Variants in NRG1 observed in about 807,000 individuals in gnomAD.
The protein encoded by NRG1 is pro-neuregulin-1, membrane-bound isoform.
Under a neutral mutation model 63.8 loss-of-function variants are expected in NRG1, and 18 were observed. That is an observed-to-expected ratio of 0.28 (90% CI 0.19 to 0.42). The LOEUF is 0.42. Among genes scored for constraint, NRG1 ranks in the 10% least tolerant of loss-of-function variants. NRG1 has a pLI of 1.00. For missense variants in NRG1, 762 were observed against 814.7 expected (o/e 0.94, Z 0.79); for synonymous variants, 302 against 301.3 (o/e 1.00, Z -0.02).
chr8:32,464,141 G>C (rs1280595834), intron 1 of NRG1, among the ~76,000 whole-genome samples: 1 of 151,454 alleles, frequency 6.6e-6, no homozygotes, highest in East Asian at 2.0e-4. Flanking sequence ...TGATCCTCCC[G>C]CCTCAGTCCC....
At chr8:32,729,477 A>G (rs1189720206) in intron 6 of NRG1, among the ~76,000 whole-genome samples, 7 of 152,228 alleles carry the variant, frequency 4.6e-5, no homozygotes. Context: ...TAAAGCAGCA[A>G]TGCTTGTTCT....
intron 1 of NRG1, among the ~76,000 whole-genome samples, chr8:32,120,617 A>G (rs1833319914): frequency 6.6e-6 from 1 of 152,064 alleles, no homozygotes; most frequent in East Asian, 1.9e-4. Context: ...GAATCTCTAG[A>G]AAGAAGTTTT....
intron 1 of NRG1, among the ~76,000 whole-genome samples, chr8:32,407,238 A>G (rs1167688934): frequency 1.4e-5 from 2 of 143,586 alleles, no homozygotes; most frequent in East Asian, 4.0e-4. Flanking sequence ...ATGATTTGGT[A>G]GAAGACTATA....
chr8:32,771,717 TA>T (rs1307607513), downstream of NRG1, among the ~76,000 whole-genome samples: 3 of 48,158 alleles, frequency 6.2e-5, no homozygotes, highest in East Asian at 2.0e-3. Flanking sequence ...AAAAAAAAAA[TA>T]TATATATATA....
At chr8:32,018,281 A>C (rs1815886651) in intron 1 of NRG1, among the ~76,000 whole-genome samples, 1 of 152,216 alleles carries the variant, frequency 6.6e-6, no homozygotes, top group African/African-American at 2.4e-5. Context: ...AACAACTTTT[A>C]CTTGATCAGA....
intron 1 of NRG1, among the ~76,000 whole-genome samples, chr8:32,361,227 T>C (rs1807166934): frequency 1.3e-5 from 2 of 152,236 alleles, no homozygotes. Context: ...AGACACACCC[T>C]GAACAAGCAG....
chr8:32,513,075 C>G (rs1829397631), intron 1 of NRG1, among the ~76,000 whole-genome samples: 1 of 151,780 alleles, frequency 6.6e-6, no homozygotes, highest in Non-Finnish European at 1.5e-5. Context: ...GGAATCAAGC[C>G]AAAGTGAGAT....
intron 1 of NRG1, among the ~76,000 whole-genome samples, chr8:32,432,975 T>C (rs1818335204): frequency 6.6e-6 from 1 of 152,166 alleles, no homozygotes; most frequent in Non-Finnish European, 1.5e-5. Context: ...TGACTGTGTA[T>C]TTGTCATGTT....
intron 1 of NRG1, among the ~76,000 whole-genome samples, chr8:32,490,304 C>CAA (rs35216278): frequency 5.2e-5 from 7 of 133,808 alleles, no homozygotes; most frequent in Non-Finnish European, 3.2e-5. Flanking sequence ...GACTCTGTCT[C>CAA]AAAAAAAAAA....
At chr8:32,323,515 C>T (rs777528414) in intron 1 of NRG1, among the ~76,000 whole-genome samples, 2 of 152,206 alleles carry the variant, frequency 1.3e-5, no homozygotes, top group Admixed American at 6.5e-5. Context: ...CAGCCACCTC[C>T]CTGGTAGGGC....
chr8:32,106,293 C>T (rs754992161), intron 1 of NRG1, among the ~76,000 whole-genome samples: 1 of 152,166 alleles, frequency 6.6e-6, no homozygotes, highest in Non-Finnish European at 1.5e-5. Context: ...AGCATCCAGA[C>T]AGCTTGTGCA....
chr8:32,428,110 T>C (rs1817633647), intron 1 of NRG1, among the ~76,000 whole-genome samples: 1 of 152,214 alleles, frequency 6.6e-6, no homozygotes, highest in Non-Finnish European at 1.5e-5. Flanking sequence ...ATGTTCACCA[T>C]GGCAAAGGCA....
At chr8:31,666,614 T>C (rs1585518297) in intron 1 of NRG1, among the ~76,000 whole-genome samples, 1 of 152,350 alleles carries the variant, frequency 6.6e-6, no homozygotes, top group East Asian at 1.9e-4. Context: ...TGGTTGGCTG[T>C]TGGGAAAATT....
chr8:32,104,066 T>C (rs796932830), intron 1 of NRG1, among the ~76,000 whole-genome samples: 66 of 152,302 alleles, frequency 4.3e-4, no homozygotes, highest in African/African-American at 1.6e-3. Context: ...GATACTTTGA[T>C]AAATGCATTA....
chr8:32,590,450 C>T (rs989701018), intron 1 of NRG1, among the ~76,000 whole-genome samples: 1 of 152,196 alleles, frequency 6.6e-6, no homozygotes, highest in African/African-American at 2.4e-5. Flanking sequence ...GCATTTGAAG[C>T]ATTAACTTAG....
At chr8:32,597,018 T>G (rs1466997242) in intron 2 of NRG1, among the ~76,000 whole-genome samples, 1 of 152,190 alleles carries the variant, frequency 6.6e-6, no homozygotes, top group African/African-American at 2.4e-5. Flanking sequence ...TCATTCTTAT[T>G]TACTTCCTTA....
At chr8:32,721,826 G>A in intron 5 of NRG1, 1 of 1,361,172 alleles carries the variant, frequency 7.3e-7, no homozygotes. Flanking sequence ...TACATTAGGT[G>A]GCACAGCTCT....
Position 32,110,331 on chromosome 8 carries a change from G to C in NRG1, c.37+470900G>C, listed in dbSNP as rs551024370. Among the ~76,000 whole-genome samples the C allele has an allele frequency of 9.1e-4, 138 of 152,064 alleles. 1 individual carries two copies. The highest frequency in any genetic ancestry group is 3.1e-3 in the East Asian group (16 of 5,160). ...GAGAAGAAAGAGCTAAGAGAAGAAA[G>C]TCAAAGGAAAGGAGAGAAGGGGAGA... On this transcript the variant is annotated intron_variant, in intron 1 of 10. Coordinates refer to the NRG1 transcript ENST00000519301.
At chr8:32,619,536 TGC>T (rs1375150040) in intron 5 of NRG1, among the ~76,000 whole-genome samples, 1 of 152,168 alleles carries the variant, frequency 6.6e-6, no homozygotes, top group Non-Finnish European at 1.5e-5. Context: ...AGGTGGCTTT[TGC>T]TGAGAGCATA....
Sources: gnomAD v4.1 joint callset for allele counts (sites outside exome capture counted in the v4.1 genomes callset) on GRCh38, gnomAD v4.1.1 for gene constraint, MANE v1.5 for transcripts, NCBI Gene and HGNC (gene_info 2026-07-23, HGNC 2026-07-21) for gene names.